EDARADD: variants seen among roughly 807,000 people sequenced by gnomAD.
The protein encoded by EDARADD is ectodysplasin-A receptor-associated adapter protein.
Under a neutral mutation model 25.6 loss-of-function variants are expected in EDARADD, and 20 were observed. The observed-to-expected ratio is 0.78, with a 90% confidence interval of 0.55 to 1.14. EDARADD has a LOEUF of 1.14. Among genes scored for constraint, EDARADD ranks in the 50% most tolerant of loss-of-function variants. The pLI, the probability that EDARADD is intolerant of heterozygous loss-of-function variation, is 0.00. For synonymous variants in EDARADD, 86 were observed against 94.4 expected (o/e 0.91, Z 0.52); for missense variants, 225 against 270.1 (o/e 0.83, Z 1.17).
chr1:236,348,930 A>C (rs1208292088), exon 2 of EDARADD: 1 of 152,148 alleles, frequency 6.6e-6, no homozygotes, highest in Non-Finnish European at 1.5e-5. Context: ...GGTTGCCTAC[A>C]GCTTCCTACT....
Position 236,398,789 on chromosome 1 carries a change from C to T in EDARADD, c.61+4284C>T, listed in dbSNP as rs1385818357. 6.6e-6 allele frequency among the ~76,000 whole-genome samples: 1 copy of T among 152,168 alleles called. No individual in the cohort carries two copies. The highest frequency in any genetic ancestry group is 1.5e-5 in the Non-Finnish European group (1 of 68,038). On this transcript the variant is annotated intron_variant, in intron 1 of 5. Coordinates refer to ENST00000334232, the MANE Select transcript of EDARADD (RefSeq NM_145861.4). This position sits in a 1 kb window ranked among gnomAD's most constrained non-coding sequence, Gnocchi z 4.1. ...CCGATGTTATACATGCTCAGCAAAC[C>T]CTGTACCTTTCCTTTCTGGCACCTG...
intron 1 of EDARADD, among the ~76,000 whole-genome samples, chr1:236,396,696 C>CTT (rs980686510): frequency 6.9e-6 from 1 of 144,660 alleles, no homozygotes. Context: ...AAAGATCTAC[C>CTT]TTTTTTTTTT....
intron 5 of EDARADD, among the ~76,000 whole-genome samples, chr1:236,470,298 G>A (rs1039806123): frequency 1.3e-5 from 2 of 152,128 alleles, no homozygotes; most frequent in Non-Finnish European, 2.9e-5. Context: ...GGTAATGGGA[G>A]CATTAATTTT....
At chr1:236,460,073 A>G (rs12035447) in intron 4 of EDARADD, among the ~76,000 whole-genome samples, 21,443 of 152,186 alleles carry the variant, frequency 0.14, 1,551 homozygotes, top group Non-Finnish European at 0.15. Context: ...ATAATCTTGA[A>G]GCAACAGATT....
chr1:236,478,548 G>A (rs1159471964), intron 5 of EDARADD, among the ~76,000 whole-genome samples: 9 of 151,642 alleles, frequency 5.9e-5, no homozygotes, highest in African/African-American at 1.7e-4. Flanking sequence ...AATGGCATTC[G>A]CAGTAACCTG....
chr1:236,477,233 T>C (rs1290451267), intron 5 of EDARADD, among the ~76,000 whole-genome samples: 2 of 152,044 alleles, frequency 1.3e-5, no homozygotes, highest in South Asian at 2.1e-4. Context: ...AACTGGATTA[T>C]GGCCGGGCAC....
intron 3 of EDARADD, among the ~76,000 whole-genome samples, chr1:236,363,007 ATAT>A (rs1456268307): frequency 1.9e-3 from 75 of 40,384 alleles, no homozygotes; most frequent in African/African-American, 2.6e-3. Flanking sequence ...AAAAAAAAAA[ATAT>A]ATATATATAT....
intron 3 of EDARADD, among the ~76,000 whole-genome samples, chr1:236,373,680 C>A (rs1667195643): frequency 6.6e-6 from 1 of 151,146 alleles, no homozygotes; most frequent in African/African-American, 2.4e-5. Flanking sequence ...AATTTTTATT[C>A]TTTCTTCTCT....
intron 4 of EDARADD, among the ~76,000 whole-genome samples, chr1:236,437,756 T>A (rs7540967): frequency 0.052 from 7,676 of 147,886 alleles, 597 homozygotes; most frequent in African/African-American, 0.17. Context: ...TTTTTTTTTT[T>A]TTTTTTTTTG....
intron 3 of EDARADD, among the ~76,000 whole-genome samples, chr1:236,353,076 G>A (rs1666935830): frequency 6.6e-6 from 1 of 152,102 alleles, no homozygotes; most frequent in Admixed American, 6.5e-5. Context: ...TGAATTTAGG[G>A]CAAGCACACC....
chr1:236,353,678 CA>C lies in EDARADD; in HGVS notation c.-6+2859del, dbSNP rs34798233. Among the ~76,000 whole-genome samples the C allele has an allele frequency of 7.3e-3, 571 of 78,716 alleles. 6 individuals are homozygous for C. Among genetic ancestry groups the C allele is most frequent in the East Asian group, 0.033 (86 of 2,630 alleles). The allele number at this position is 78,716 out of a possible 152,430, so 51.6% of individuals were successfully genotyped here. The stretch of plus-strand genomic sequence containing the variant: ...GGGCAACAGAGCGAGACTCCAACTC[CA>C]AAAAAAAAAAAAAAAAAAAGATATT... On this transcript the variant is annotated intron_variant, in intron 3 of 7. Coordinates refer to the EDARADD transcript ENST00000439430.
chr1:236,402,079 A>G lies in EDARADD; in HGVS notation c.62-7137A>G, dbSNP rs369687067. Among the ~76,000 whole-genome samples, 6 of 152,262 alleles carry G rather than the reference A, an allele frequency of 3.9e-5. No homozygotes were observed. In the South Asian group the frequency reaches 6.2e-4, roughly 16 times the overall value. ...CGGGTTCAAGCGATTCTCCTGCTTC[A>G]GCTTCCTGAGTAGCTGAGATTACAG... On this transcript the variant is annotated intron_variant, in intron 1 of 5. Transcript: ENST00000334232.
At position 236,483,150 on chromosome 1, in the gene EDARADD, G is replaced by A; in HGVS notation, c.*501G>A. On this transcript the variant is annotated 3_prime_UTR_variant, in exon 6 of 6. Transcript: ENST00000334232. ...TCTCTCCTAGGCAATGAGACCCAGT[G>A]GCTAGAAATTCACCATGTCTATTCT... 6.6e-7 allele frequency: 1 copy of A among 1,506,684 alleles called. No individual in the cohort carries two copies. Among genetic ancestry groups the A allele is most frequent in the Non-Finnish European group, 9.2e-7 (1 of 1,086,512 alleles). The allele number at this position is 1,506,684 out of a possible 1,614,324, so 93.3% of individuals were successfully genotyped here.
intron 4 of EDARADD, among the ~76,000 whole-genome samples, chr1:236,429,009 G>A (rs1021718628): frequency 8.5e-5 from 13 of 152,116 alleles, no homozygotes; most frequent in South Asian, 2.1e-4. Flanking sequence ...TGCGACGCGC[G>A]CCTGCAATCC....
chr1:236,404,029 A>G (rs1441069248), intron 1 of EDARADD, among the ~76,000 whole-genome samples: 4 of 152,188 alleles, frequency 2.6e-5, no homozygotes, highest in Non-Finnish European at 5.9e-5. Flanking sequence ...ACAGCCTGGC[A>G]TAAGATGGCA....
chr1:236,368,732 A>G (rs956463211), intron 3 of EDARADD, among the ~76,000 whole-genome samples: 2 of 152,032 alleles, frequency 1.3e-5, no homozygotes, highest in Non-Finnish European at 2.9e-5. Flanking sequence ...GAGCCACCGC[A>G]TGCGGCTTTT....
At position 236,482,275 on chromosome 1, in the gene EDARADD, A is replaced by G; in HGVS notation, c.274A>G (p.Lys92Glu). 1 of 1,614,172 alleles carries G rather than the reference A, an allele frequency of 6.2e-7. No homozygotes were observed. Residue 92 changes from lysine to glutamate, a missense_variant, in exon 6 of 6, where the codon AAG becomes GAG. Lys to Glu is a moderately conservative substitution (Grantham distance 56). Transcript: ENST00000334232. ...ATTGTTTCTCCCTGCAGAGATCAGCAAGGACAACTCCTGCAAAGAAAACTG... is the reference window on the plus strand; with the variant it reads ...ATTGTTTCTCCCTGCAGAGATCAGCGAGGACAACTCCTGCAAAGAAAACTG... The part of the protein sequence containing the change: ...STGDPLPEIS[K>E]DNSCKENCTC...
At chr1:236,437,883 G>T (rs562174903) in intron 4 of EDARADD, among the ~76,000 whole-genome samples, 76 of 151,874 alleles carry the variant, frequency 5.0e-4, no homozygotes, top group Non-Finnish European at 9.4e-4. Context: ...TGAGCAGCTG[G>T]GATCACAGGC....
At chr1:236,392,662 GTATTTATTTATT>G (rs1174202061), upstream of EDARADD, among the ~76,000 whole-genome samples, 2 of 150,226 alleles carry the variant, frequency 1.3e-5, no homozygotes, top group Admixed American at 6.7e-5. Context: ...ATTTGTATTT[GTATTTATTTATT>G]TATTTATTTA....
Sources: gnomAD v4.1 joint callset for allele counts (sites outside exome capture counted in the v4.1 genomes callset) on GRCh38, gnomAD v4.1.1 for gene constraint, Gnocchi (gnomAD v3.1) non-coding constraint, MANE v1.5 for transcripts, NCBI Gene and HGNC (gene_info 2026-07-23, HGNC 2026-07-21) for gene names.